The following RBMS1 variants were observed in gnomAD, a reference collection of about 807,000 sequenced individuals.
The protein encoded by RBMS1 is RNA-binding motif, single-stranded-interacting protein 1.
RBMS1 carries 17 observed loss-of-function variants against 62.3 expected under a neutral mutation model. That is an observed-to-expected ratio of 0.27 (90% CI 0.19 to 0.41). The LOEUF is 0.41. Ranked by LOEUF, RBMS1 falls within the 10% of genes least tolerant of loss-of-function variation. The pLI is 1.00. For synonymous variants in RBMS1, 172 were observed against 170.0 expected (o/e 1.01, Z -0.09); for missense variants, 334 against 504.5 (o/e 0.66, Z 3.24).
At chr2:160,492,291 A>C (rs114290642) in intron 1 of RBMS1, among the ~76,000 whole-genome samples, 132 of 152,258 alleles carry the variant, frequency 8.7e-4, no homozygotes, top group African/African-American at 3.0e-3. Flanking sequence ...AAAGCAGTGA[A>C]ATTTCCAGTC....
At chr2:160,425,328 A>G (rs1682504906) in intron 1 of RBMS1, among the ~76,000 whole-genome samples, 1 of 152,238 alleles carries the variant, frequency 6.6e-6, no homozygotes. Context: ...TTTGTCTTCC[A>G]GCTGGCTTTT....
In RBMS1 at chr2:160,314,415, G is replaced by C. The variant is rs115188595; in HGVS notation, c.311-1168C>G. On this transcript the variant is annotated intron_variant, in intron 3 of 13. Coordinates refer to ENST00000348849, the MANE Select transcript of RBMS1 (RefSeq NM_016836.4). ...ATCATTGGAAGGTTGTTTAGAAGAG[G>C]AGCTAGCCCTATCATTTACTTACAG... is the stretch of plus-strand genomic sequence containing the variant. Among the ~76,000 whole-genome samples the C allele has an allele frequency of 7.9e-3, 1,207 of 152,142 alleles. 7 individuals are homozygous for C. Among genetic ancestry groups the C allele is most frequent in the Non-Finnish European group, 0.012 (836 of 67,998 alleles).
At chr2:160,382,429 T>C (rs769028457) in intron 1 of RBMS1, among the ~76,000 whole-genome samples, 6 of 152,230 alleles carry the variant, frequency 3.9e-5, no homozygotes, top group Non-Finnish European at 8.8e-5. Context: ...CCAGGGACAG[T>C]AGACAAATTA....
intron 1 of RBMS1, among the ~76,000 whole-genome samples, chr2:160,383,835 T>C (rs374372840): frequency 2.0e-4 from 30 of 152,330 alleles, no homozygotes; most frequent in African/African-American, 7.0e-4. Context: ...TAATAGGTCA[T>C]CTTGTCCAGT....
At chr2:160,459,951 T>A (rs2105330672) in intron 1 of RBMS1, among the ~76,000 whole-genome samples, 1 of 152,266 alleles carries the variant, frequency 6.6e-6, no homozygotes, top group Middle Eastern at 3.4e-3. Flanking sequence ...AGGGGAGGAT[T>A]TATGACTTTT....
At chr2:160,397,004 C>T (rs1695183088) in intron 1 of RBMS1, among the ~76,000 whole-genome samples, 1 of 152,176 alleles carries the variant, frequency 6.6e-6, no homozygotes, top group African/African-American at 2.4e-5. Context: ...TTCACGTTTC[C>T]TTAGCCTTTG....
intron 1 of RBMS1, among the ~76,000 whole-genome samples, chr2:160,456,731 C>T (rs1684248717): frequency 6.6e-6 from 1 of 152,188 alleles, no homozygotes; most frequent in South Asian, 2.1e-4. Flanking sequence ...ACTGTCTGTT[C>T]CCTCACTGCC....
At position 160,303,511 on chromosome 2, in the gene RBMS1, C is replaced by T; in HGVS notation, c.403-24G>A. On this transcript the variant is annotated intron_variant, in intron 4 of 13. Coordinates refer to ENST00000348849, the MANE Select transcript of RBMS1 (RefSeq NM_016836.4). ...TGCTAAAACAGAAGAGAGTGTTGTC[C>T]ATTAATTTCCAACAGAAGGTGAGAT... 2 of 1,576,912 alleles carry T rather than the reference C, an allele frequency of 1.3e-6. 1 individual carries two copies. Among genetic ancestry groups the T allele is most frequent in the South Asian group, 2.3e-5 (2 of 85,310 alleles).
chr2:160,323,623 A>C (rs1488011174), intron 2 of RBMS1, among the ~76,000 whole-genome samples: 17 of 151,256 alleles, frequency 1.1e-4, no homozygotes, highest in Middle Eastern at 3.4e-3. Context: ...AAAAAAAAAA[A>C]AAAAAAAACT....
intron 2 of RBMS1, among the ~76,000 whole-genome samples, chr2:160,326,302 TAAG>T (rs1169112906): frequency 6.6e-6 from 1 of 152,148 alleles, no homozygotes; most frequent in Non-Finnish European, 1.5e-5. Flanking sequence ...CACCTACCAT[TAAG>T]GAGGACAGTC....
intron 1 of RBMS1, among the ~76,000 whole-genome samples, chr2:160,456,715 A>G (rs979392190): frequency 3.3e-5 from 5 of 152,130 alleles, no homozygotes; most frequent in African/African-American, 1.2e-4. Flanking sequence ...TATTTCTTAT[A>G]TTTTGACTGT....
intron 2 of RBMS1, among the ~76,000 whole-genome samples, chr2:160,345,188 C>T (rs1692108062): frequency 6.6e-6 from 1 of 152,174 alleles, no homozygotes; most frequent in Non-Finnish European, 1.5e-5. Flanking sequence ...AGAGGGCACT[C>T]GAGTCCTAGA....
chr2:160,449,296 T>C (rs942121341), intron 1 of RBMS1, among the ~76,000 whole-genome samples: 4 of 152,164 alleles, frequency 2.6e-5, no homozygotes, highest in Non-Finnish European at 4.4e-5. Context: ...GAGGAGCCCC[T>C]CTGCCCGGCC....
intron 2 of RBMS1, among the ~76,000 whole-genome samples, chr2:160,359,727 C>A (rs1693020668): frequency 6.6e-6 from 1 of 152,026 alleles, no homozygotes; most frequent in South Asian, 2.1e-4. Flanking sequence ...TATTAGAATG[C>A]CTTCACTTTC....
chr2:160,311,232 C>CTATATA (rs10530445), intron 4 of RBMS1, among the ~76,000 whole-genome samples: 1,505 of 79,188 alleles, frequency 0.019, 50 homozygotes, highest in Middle Eastern at 0.046. Flanking sequence ...ATCTATCTAT[C>CTATATA]TATATATATA....
At chr2:160,292,532 G>A (rs1688736177) in intron 6 of RBMS1, among the ~76,000 whole-genome samples, 1 of 152,224 alleles carries the variant, frequency 6.6e-6, no homozygotes, top group South Asian at 2.1e-4. Flanking sequence ...GCTGGCTAGA[G>A]TTGCTGCCTT....
chr2:160,277,549 A>G (rs920201651), intron 11 of RBMS1, 166 bp from the exon 12 acceptor site: 1 of 436,784 alleles, frequency 2.3e-6, no homozygotes, highest in Non-Finnish European at 4.1e-6. Context: ...GTCATATGGA[A>G]GGTAAACTGT....
chr2:160,277,284 C>T lies in RBMS1; in HGVS notation c.1143+19G>A, dbSNP rs747680457. The T allele has an allele frequency of 1.9e-6, 3 of 1,575,718 alleles. No homozygotes were observed. In the Admixed American group the frequency reaches 5.0e-5, roughly 26 times the overall value. ...AAACTACTTATAGCCAGAATGGTCA[C>T]TGGATGGTCTCTACCAACCTCAACA... On this transcript the variant is annotated intron_variant, in intron 12 of 13. Transcript: ENST00000348849.
chr2:160,386,704 A>G (rs1430582638), intron 1 of RBMS1, among the ~76,000 whole-genome samples: 2 of 152,048 alleles, frequency 1.3e-5, no homozygotes, highest in African/African-American at 4.8e-5. Context: ...CCCAGAAGAG[A>G]GCCCTCACCA....
Sources: allele counts gnomAD v4.1 joint callset (sites outside exome capture counted in the v4.1 genomes callset), GRCh38; gene constraint gnomAD v4.1.1; transcripts MANE v1.5; gene names NCBI Gene and HGNC (gene_info 2026-07-23, HGNC 2026-07-21).